The following MS4A3 variants were observed in gnomAD, a reference collection of about 807,000 sequenced individuals.
The protein encoded by MS4A3 is membrane-spanning 4-domains subfamily A member 3.
MS4A3 carries 18 observed loss-of-function variants against 24.7 expected under a neutral mutation model. The ratio of observed to expected loss-of-function variants is 0.73; its 90% CI spans 0.50 to 1.08. The LOEUF (loss-of-function observed/expected upper bound fraction) is 1.08, where lower values mean the gene tolerates loss of function less well. Ranked by LOEUF, MS4A3 falls within the 50% of genes least tolerant of loss-of-function variation. The pLI, the probability that MS4A3 is intolerant of heterozygous loss-of-function variation, is 0.00. For missense variants in MS4A3, 282 were observed against 251.7 expected (o/e 1.12, Z -0.82); for synonymous variants, 84 against 95.3 (o/e 0.88, Z 0.69).
intron 3 of MS4A3, 151 bp downstream of exon 3, chr11:60,062,756 T>C (rs1283273788): frequency 3.5e-6 from 2 of 567,900 alleles, no homozygotes; most frequent in East Asian, 3.4e-5. Flanking sequence ...TTAGAGACGA[T>C]AAACTCTTTT....
intron 4 of MS4A3, 35 bp downstream of exon 4, chr11:60,064,353 G>A: frequency 1.3e-6 from 2 of 1,481,536 alleles, no homozygotes; most frequent in Non-Finnish European, 1.9e-6. Flanking sequence ...ATGATCAGAG[G>A]AGTAGAAATA....
At chr11:60,059,159 A>G (rs940367769) in intron 1 of MS4A3, among the ~76,000 whole-genome samples, 2 of 152,206 alleles carry the variant, frequency 1.3e-5, no homozygotes. Context: ...GAATTTTTAT[A>G]GCAATTCCCA....
At chr11:60,062,931 A>G (rs933893254) in intron 3 of MS4A3, among the ~76,000 whole-genome samples, 1 of 152,060 alleles carries the variant, frequency 6.6e-6, no homozygotes, top group African/African-American at 2.4e-5. Flanking sequence ...GGCTGGGATT[A>G]CAGGCATGCA....
In MS4A3 at chr11:60,061,242, G is replaced by A; in HGVS notation, c.82G>A (p.Glu28Lys). The A allele has an allele frequency of 6.2e-7, 1 of 1,613,940 alleles. No individual in the cohort carries two copies. The highest frequency in any genetic ancestry group is 8.5e-7 in the Non-Finnish European group (1 of 1,179,928). Residue 28 changes from glutamate to lysine, a missense_variant, in exon 2 of 7, where the codon GAG becomes AAG. Coordinates refer to ENST00000278865, the MANE Select transcript of MS4A3 (RefSeq NM_006138.5). ...GTPGSEAGPE[E>K]LNTSVYQPID... ...CCCAGGCAGTGAGGCGGGACCAGAA[G>A]AGCTGAATACTTCTGTCTACCAGCC...
chr11:60,064,617 C>T (rs1003190888), intron 4 of MS4A3, among the ~76,000 whole-genome samples: 5 of 152,270 alleles, frequency 3.3e-5, no homozygotes, highest in Admixed American at 3.3e-4. Flanking sequence ...GAACTCCCAC[C>T]ACTAACTAGT....
intron 6 of MS4A3, 21 bp from the exon 7 acceptor site, chr11:60,070,183 T>G (rs1015824573): frequency 1.3e-5 from 20 of 1,590,026 alleles, no homozygotes; most frequent in Non-Finnish European, 1.6e-5. Context: ...TCTTGGACAT[T>G]AATGTTGTTT....
At chr11:60,068,585 G>T (rs900831737) in intron 5 of MS4A3, among the ~76,000 whole-genome samples, 1 of 151,806 alleles carries the variant, frequency 6.6e-6, no homozygotes, top group Admixed American at 6.6e-5. Context: ...TTGTGTTCAG[G>T]TACTCTACCT....
chr11:60,057,122 C>G lies in MS4A3; in HGVS notation c.-16+382C>G, dbSNP rs549365528. ...GTGCATTTTAGCATAGCTCAGGGGA[C>G]AGTGGAGTGTAATGATAGCTTGAGG... On this transcript the variant is annotated intron_variant, in intron 1 of 6. Coordinates refer to ENST00000278865, the MANE Select transcript of MS4A3 (RefSeq NM_006138.5). 1.5e-4 allele frequency among the ~76,000 whole-genome samples: 23 copies of G among 152,172 alleles called. No homozygotes were observed. The South Asian group carries it at 4.8e-3, about 32-fold the overall frequency.
Position 60,070,465 on chromosome 11 carries a change from G to T in MS4A3, c.*232G>T. 1 of 452,078 alleles carries T rather than the reference G, an allele frequency of 2.2e-6. No individual in the cohort carries two copies. The highest frequency in any genetic ancestry group is 3.9e-6 in the Non-Finnish European group (1 of 256,438). The allele number at this position is 452,078 out of a possible 1,614,324, so 28.0% of individuals were successfully genotyped here. A position where few individuals can be genotyped will look rare whatever the true frequency, so the allele number is the denominator to read the frequency against. ...ATGGAAGGACAGATATATTTCTTTA[G>T]GCATTCTTGGATATCTGTAACTTCT... On this transcript the variant is annotated 3_prime_UTR_variant, in exon 7 of 7. Transcript: ENST00000278865.
intron 4 of MS4A3, among the ~76,000 whole-genome samples, chr11:60,065,039 C>T (rs1244591572): frequency 1.3e-5 from 2 of 151,908 alleles, no homozygotes. Context: ...TAATTTTTGT[C>T]TCTCTGCTAT....
chr11:60,064,029 T>A (rs886534587), intron 3 of MS4A3, among the ~76,000 whole-genome samples: 2 of 150,744 alleles, frequency 1.3e-5, no homozygotes, highest in Non-Finnish European at 3.0e-5. Context: ...AAAAAAAATT[T>A]AAAAAATAAA....
At chr11:60,060,670 ATAT>A (rs1855258078) in intron 1 of MS4A3, among the ~76,000 whole-genome samples, 1 of 152,170 alleles carries the variant, frequency 6.6e-6, no homozygotes, top group Non-Finnish European at 1.5e-5. Flanking sequence ...AATAATAATA[ATAT>A]TATAACAGGA....
At chr11:60,065,265 T>C (rs1296594668) in intron 4 of MS4A3, among the ~76,000 whole-genome samples, 1 of 148,860 alleles carries the variant, frequency 6.7e-6, no homozygotes, top group Non-Finnish European at 1.5e-5. Context: ...TTGCCCAGGC[T>C]GGTCTCAAAA....
chr11:60,068,076 A>G (rs1427142493), intron 5 of MS4A3, among the ~76,000 whole-genome samples: 1 of 151,822 alleles, frequency 6.6e-6, no homozygotes. Flanking sequence ...AAAAAAATAA[A>G]GTTTCATTTC....
At chr11:60,062,435 A>C in intron 2 of MS4A3, 33 bp from the exon 3 acceptor site, 1 of 1,613,522 alleles carries the variant, frequency 6.2e-7, no homozygotes, top group Non-Finnish European at 8.5e-7. Flanking sequence ...TTAGTATATG[A>C]CTGTTACGCC....
Position 60,061,295 on chromosome 11 carries a change from A to G in MS4A3, c.135A>G (p.Lys45=). 6.2e-7 allele frequency: 1 copy of G among 1,609,662 alleles called. No individual in the cohort carries two copies. The highest frequency in any genetic ancestry group is 8.5e-7 in the Non-Finnish European group (1 of 1,178,886). Residue 45 remains lysine, a synonymous_variant, in exon 2 of 7, where the codon AAA becomes AAG. Transcript: ENST00000278865. The part of the protein sequence containing the change: ...QPIDGSPDYQ[K]AKLQVLGAIQ... Reference sequence around the variant, plus strand: ...TAGATGGATCACCAGATTATCAGAAAGCAAAATTACAAGTTCTTGGGGTAA... The same window carrying G: ...TAGATGGATCACCAGATTATCAGAAGGCAAAATTACAAGTTCTTGGGGTAA...
chr11:60,067,775 C>T (rs12225069), intron 5 of MS4A3, among the ~76,000 whole-genome samples: 45,080 of 151,566 alleles, frequency 0.3, 7,763 homozygotes, highest in East Asian at 0.48. Context: ...TCACCGGGCG[C>T]GGTGGCTCAC....
chr11:60,067,070 AG>A lies in MS4A3; in HGVS notation c.472del (p.Glu158SerfsTer21). Reference protein sequence around the residue: ...QSLRSCHSSSESPDLCNYMGS... With the variant: ...QSLRSCHSSSXSPDLCNYMGS... ...CATTAAGGAGTTGTCACTCTTCATC[AG>A]AGTCACCGGACCTATGCAATTACAT... On this transcript the variant is annotated frameshift_variant, in exon 5 of 7. Coordinates refer to ENST00000278865, the MANE Select transcript of MS4A3 (RefSeq NM_006138.5). LOFTEE classifies it high-confidence loss of function. 1.2e-6 allele frequency: 2 copies of A among 1,612,784 alleles called. No individual in the cohort carries two copies. Among genetic ancestry groups the A allele is most frequent in the Non-Finnish European group, 1.7e-6 (2 of 1,179,686 alleles).
intron 4 of MS4A3, 42 bp from the exon 5 acceptor site, chr11:60,066,909 A>T (rs746657814): frequency 7.0e-7 from 1 of 1,437,948 alleles, no homozygotes; most frequent in Non-Finnish European, 9.3e-7. Flanking sequence ...GGAATGAAGT[A>T]CGTGCTGCAT....
Sources: allele counts gnomAD v4.1 joint callset (sites outside exome capture counted in the v4.1 genomes callset), GRCh38; gene constraint gnomAD v4.1.1; transcripts MANE v1.5; gene names NCBI Gene and HGNC (gene_info 2026-07-23, HGNC 2026-07-21).